Variants in SLC13A3 observed in about 807,000 individuals in gnomAD.
SLC13A3 encodes the protein solute carrier family 13 member 3, also known as Na(+)/dicarboxylate cotransporter 3.
A neutral mutation model predicts 59.0 loss-of-function variants in SLC13A3; 40 were observed. That is an observed-to-expected ratio of 0.68 (90% CI 0.53 to 0.88). SLC13A3 has a LOEUF of 0.88. SLC13A3 is among the 40% of genes least tolerant of loss of function. The pLI is 0.00. For synonymous variants in SLC13A3, 317 were observed against 330.3 expected (o/e 0.96, Z 0.44); for missense variants, 699 against 783.2 (o/e 0.89, Z 1.28).
chr20:46,630,729 C>G (rs1288514426), intron 1 of SLC13A3, among the ~76,000 whole-genome samples: 1 of 152,190 alleles, frequency 6.6e-6, no homozygotes, highest in African/African-American at 2.4e-5. Context: ...GTGCTGTTTT[C>G]TTTTGCATAT....
At chr20:46,566,526 T>A in intron 10 of SLC13A3, 136 bp from the exon 11 acceptor site, 1 of 970,416 alleles carries the variant, frequency 1.0e-6, no homozygotes, top group Non-Finnish European at 1.5e-6. Context: ...AGAGGGGAGG[T>A]GACGTGTCCA....
Position 46,596,126 on chromosome 20 carries a change from C to T in SLC13A3, c.794+31G>A, listed in dbSNP as rs763243985. 5 of 1,600,520 alleles carry T rather than the reference C, an allele frequency of 3.1e-6. No homozygotes were observed. The East Asian group carries it at 1.1e-4, about 36-fold the overall frequency. On this transcript the variant is annotated intron_variant, in intron 5 of 12. Transcript: ENST00000279027. ...GGGAAGAGGAGGGGAGGAGCAGAACCCTCCCCGCCGGTGGGGACTCTCGCT... is the reference window on the plus strand; with the variant it reads ...GGGAAGAGGAGGGGAGGAGCAGAACTCTCCCCGCCGGTGGGGACTCTCGCT...
chr20:46,598,078 T>G (rs1195790377), intron 4 of SLC13A3, among the ~76,000 whole-genome samples: 4 of 152,202 alleles, frequency 2.6e-5, no homozygotes, highest in African/African-American at 9.6e-5. Context: ...AAAAGTGTTC[T>G]GTGTAACAAA....
chr20:46,668,099 T>C (rs1471084203), intron 1 of SLC13A3, among the ~76,000 whole-genome samples: 2 of 152,208 alleles, frequency 1.3e-5, no homozygotes, highest in East Asian at 1.9e-4. Flanking sequence ...TACAATACTA[T>C]TGAAATTAGT....
At chr20:46,593,467 A>G (rs1691357516) in intron 5 of SLC13A3, among the ~76,000 whole-genome samples, 1 of 152,258 alleles carries the variant, frequency 6.6e-6, no homozygotes, top group African/African-American at 2.4e-5. Flanking sequence ...CAGTTATTGT[A>G]TAACAAATAA....
intron 3 of SLC13A3, among the ~76,000 whole-genome samples, chr20:46,601,218 T>C (rs988630318): frequency 3.3e-5 from 5 of 152,134 alleles, no homozygotes; most frequent in Admixed American, 1.3e-4. Flanking sequence ...TGATTTACAT[T>C]TTATAAACAA....
intron 1 of SLC13A3, among the ~76,000 whole-genome samples, chr20:46,626,127 C>CTCTG (rs1555881175): frequency 3.4e-5 from 5 of 148,418 alleles, no homozygotes. Context: ...CTCTCTGTCT[C>CTCTG]TCTCTCTCTC....
At position 46,583,455 on chromosome 20, in the gene SLC13A3, G is replaced by A. The variant is rs956018071; in HGVS notation, c.1219+117C>T. 1.3e-5 allele frequency: 20 copies of A among 1,493,280 alleles called. 1 individual carries two copies. The Admixed American group carries it at 2.6e-4, about 19-fold the overall frequency. 92.5% of individuals were successfully genotyped at this position (1,493,280 alleles called of 1,614,324 possible). On this transcript the variant is annotated intron_variant, in intron 9 of 12. Transcript: ENST00000279027. Reference sequence around the variant, plus strand: ...CAAGGCAATGGCTCAGACAGTGAAAGGAGAAGCAGGAAGGACCACGTGGTT... The same window carrying A: ...CAAGGCAATGGCTCAGACAGTGAAAAGAGAAGCAGGAAGGACCACGTGGTT...
intron 10 of SLC13A3, among the ~76,000 whole-genome samples, chr20:46,568,947 G>A (rs2146086303): frequency 6.6e-6 from 1 of 152,228 alleles, no homozygotes; most frequent in Admixed American, 6.5e-5. Flanking sequence ...GGTTCTACTG[G>A]GGACTCTAAA....
intron 5 of SLC13A3, 67 bp from the exon 6 acceptor site, chr20:46,592,596 G>A (rs1459124055): frequency 6.4e-7 from 1 of 1,554,658 alleles, no homozygotes; most frequent in Non-Finnish European, 8.9e-7. Context: ...TGGGAGAGGG[G>A]ACCAGGCAGT....
upstream of SLC13A3, among the ~76,000 whole-genome samples, chr20:46,672,810 G>A (rs952355060): frequency 2.0e-5 from 3 of 152,122 alleles, no homozygotes; most frequent in Non-Finnish European, 4.4e-5. Context: ...TGACAGCTGA[G>A]CCCAGACTTC....
chr20:46,680,127 G>A (rs1053444611), intron 1 of SLC13A3, among the ~76,000 whole-genome samples: 2 of 152,274 alleles, frequency 1.3e-5, no homozygotes, highest in East Asian at 3.9e-4. Flanking sequence ...TCAGGTAGGA[G>A]TTTTCAGAAC....
chr20:46,585,488 G>C (rs1258751564), intron 8 of SLC13A3: 5 of 1,002,868 alleles, frequency 5.0e-6, no homozygotes, highest in Non-Finnish European at 4.8e-6. Context: ...TTTTAATAGG[G>C]TTCTAAAAGC....
intron 6 of SLC13A3, among the ~76,000 whole-genome samples, chr20:46,590,161 A>G (rs2062238808): frequency 6.6e-6 from 1 of 152,244 alleles, no homozygotes; most frequent in Non-Finnish European, 1.5e-5. Flanking sequence ...GTTGAATCCA[A>G]ACTTCACACT....
intron 2 of SLC13A3, among the ~76,000 whole-genome samples, chr20:46,612,068 C>CTTTCT (rs1555879601): frequency 6.3e-5 from 9 of 141,894 alleles, no homozygotes; most frequent in East Asian, 6.2e-4. Flanking sequence ...TTTTCTCTTT[C>CTTTCT]TTTTTTTTCT....
At chr20:46,636,422 C>T (rs1469153510) in intron 1 of SLC13A3, among the ~76,000 whole-genome samples, 1 of 152,216 alleles carries the variant, frequency 6.6e-6, no homozygotes, top group Non-Finnish European at 1.5e-5. Flanking sequence ...GTATTAGTCA[C>T]TTGTGGGTAG....
At chr20:46,679,857 G>A (rs958813721) in intron 1 of SLC13A3, among the ~76,000 whole-genome samples, 11 of 148,362 alleles carry the variant, frequency 7.4e-5, no homozygotes, top group Non-Finnish European at 1.2e-4. Context: ...GTGATGAGCC[G>A]AAATCACACT....
chr20:46,619,775 A>AT (rs1238098303), intron 1 of SLC13A3, among the ~76,000 whole-genome samples: 4 of 152,122 alleles, frequency 2.6e-5, no homozygotes, highest in Admixed American at 6.5e-5. Context: ...TGTAAAGGCC[A>AT]TTTTTATCCT....
chr20:46,590,935 G>A (rs188317779), intron 6 of SLC13A3, among the ~76,000 whole-genome samples: 2 of 151,826 alleles, frequency 1.3e-5, no homozygotes, highest in Non-Finnish European at 2.9e-5. Context: ...GGGGGCCGAG[G>A]TGGGTGGATC....
Sources: allele counts gnomAD v4.1 joint callset (sites outside exome capture counted in the v4.1 genomes callset), GRCh38; gene constraint gnomAD v4.1.1; transcripts MANE v1.5; gene names NCBI Gene and HGNC (gene_info 2026-07-23, HGNC 2026-07-21).